Variants in UBE2E2 observed in about 807,000 individuals in gnomAD.
UBE2E2 encodes the protein ubiquitin-conjugating enzyme E2 E2.
Under a neutral mutation model 24.7 loss-of-function variants are expected in UBE2E2, and 6 were observed. The ratio of observed to expected loss-of-function variants is 0.24; its 90% CI spans 0.13 to 0.48. The LOEUF (loss-of-function observed/expected upper bound fraction) is 0.48, where lower values mean the gene tolerates loss of function less well. Ranked by LOEUF, UBE2E2 falls within the 20% of genes least tolerant of loss-of-function variation. UBE2E2 has a pLI of 0.99. For missense variants in UBE2E2, 169 were observed against 245.0 expected, an observed-to-expected ratio of 0.69 and a Z score of 2.07; for synonymous variants, 104 against 83.6, an observed-to-expected ratio of 1.24 and a Z score of -1.33.
At chr3:23,409,425 T>G (rs961815710) in intron 3 of UBE2E2, among the ~76,000 whole-genome samples, 1 of 152,198 alleles carries the variant, frequency 6.6e-6, no homozygotes, top group African/African-American at 2.4e-5. Context: ...AACTTCTAGA[T>G]GTAACCTCAT....
rs555139218 is a variant in UBE2E2, at chr3:23,513,313, C to A, written c.360+13573C>A. ...GCAGTCCTCCTCATTGCCCAGCATT[C>A]CCGTTACCTTCCCAAAGACATCTTT... On this transcript the variant is annotated intron_variant, in intron 4 of 5. Transcript: ENST00000396703. 3.9e-5 allele frequency among the ~76,000 whole-genome samples: 6 copies of A among 152,224 alleles called. No homozygotes were observed. In the South Asian group the frequency reaches 1.0e-3, roughly 26 times the overall value.
At chr3:23,446,471 AT>A (rs1698432188) in intron 3 of UBE2E2, among the ~76,000 whole-genome samples, 1 of 152,182 alleles carries the variant, frequency 6.6e-6, no homozygotes, top group African/African-American at 2.4e-5. Flanking sequence ...GGCTGACTGA[AT>A]TTTGAGTGAG....
At chr3:23,262,572 G>C (rs1044161858) in intron 3 of UBE2E2, among the ~76,000 whole-genome samples, 1 of 151,266 alleles carries the variant, frequency 6.6e-6, no homozygotes, top group African/African-American at 2.4e-5. Context: ...GAGCCACCAT[G>C]TTCAGTGTAG....
chr3:23,371,644 C>G (rs928673066), intron 3 of UBE2E2, among the ~76,000 whole-genome samples: 1 of 151,946 alleles, frequency 6.6e-6, no homozygotes, highest in Admixed American at 6.6e-5. Context: ...ACTAAGCCAG[C>G]AATTTTCAAA....
chr3:23,318,546 G>C (rs980027199), intron 3 of UBE2E2, among the ~76,000 whole-genome samples: 1 of 152,122 alleles, frequency 6.6e-6, no homozygotes, highest in Non-Finnish European at 1.5e-5. Context: ...ACAGTTCCAC[G>C]TGGCTGGGGA....
intron 5 of UBE2E2, among the ~76,000 whole-genome samples, chr3:23,550,864 C>T (rs1230902533): frequency 6.6e-6 from 1 of 152,072 alleles, no homozygotes; most frequent in Non-Finnish European, 1.5e-5. Context: ...GGGGCAGAAA[C>T]CCAGAGAAGA....
intron 3 of UBE2E2, among the ~76,000 whole-genome samples, chr3:23,410,553 G>A (rs1442031653): frequency 1.3e-5 from 2 of 152,100 alleles, no homozygotes; most frequent in Non-Finnish European, 2.9e-5. Flanking sequence ...GTTGAATAAT[G>A]TTATTATAAA....
chr3:23,367,060 T>G (rs1559363371), intron 3 of UBE2E2, among the ~76,000 whole-genome samples: 1 of 152,218 alleles, frequency 6.6e-6, no homozygotes, highest in Non-Finnish European at 1.5e-5. Flanking sequence ...TATCCTGTCA[T>G]TATCCTTTTT....
At chr3:23,300,169 A>G (rs13095960) in intron 3 of UBE2E2, among the ~76,000 whole-genome samples, 15,862 of 152,006 alleles carry the variant, frequency 0.1, 962 homozygotes, top group East Asian at 0.13. Context: ...TTTTGAGCCT[A>G]TGTGTGTCTC....
chr3:23,548,314 A>G (rs1048912700), intron 5 of UBE2E2, among the ~76,000 whole-genome samples: 3 of 152,216 alleles, frequency 2.0e-5, no homozygotes, highest in African/African-American at 4.8e-5. Context: ...TCTTGTTCCT[A>G]TCAGCCCAGG....
At chr3:23,477,425 A>G (rs1422293766) in intron 3 of UBE2E2, among the ~76,000 whole-genome samples, 2 of 152,190 alleles carry the variant, frequency 1.3e-5, no homozygotes, top group Admixed American at 1.3e-4. Flanking sequence ...TTTATTATTT[A>G]CCATTATTTC....
chr3:23,288,353 A>G (rs1179262321), intron 3 of UBE2E2, among the ~76,000 whole-genome samples: 1 of 152,194 alleles, frequency 6.6e-6, no homozygotes, highest in East Asian at 1.9e-4. Context: ...ATCCTTGGGA[A>G]TGATTCATGT....
chr3:23,455,468 A>G (rs1336043201), intron 3 of UBE2E2, among the ~76,000 whole-genome samples: 1 of 152,224 alleles, frequency 6.6e-6, no homozygotes, highest in African/African-American at 2.4e-5. Context: ...CTGTAATCCC[A>G]GCACTTTGGG....
At chr3:23,553,665 C>T (rs543006768) in intron 5 of UBE2E2, among the ~76,000 whole-genome samples, 19 of 151,962 alleles carry the variant, frequency 1.3e-4, no homozygotes, top group African/African-American at 2.9e-4. Context: ...TCTCAAAAGC[C>T]GTATCCATCT....
chr3:23,431,090 T>G (rs568662306), intron 3 of UBE2E2, among the ~76,000 whole-genome samples: 33 of 152,230 alleles, frequency 2.2e-4, no homozygotes, highest in African/African-American at 7.2e-4. Context: ...AGTGGTCTGT[T>G]GGGAGAATTT....
chr3:23,481,906 G>A (rs777041542), intron 3 of UBE2E2, among the ~76,000 whole-genome samples: 13 of 152,336 alleles, frequency 8.5e-5, no homozygotes, highest in Non-Finnish European at 1.8e-4. Flanking sequence ...ACAAAGAGAA[G>A]GTAGTGGCAG....
intron 3 of UBE2E2, among the ~76,000 whole-genome samples, chr3:23,365,244 A>G (rs763820492): frequency 5.9e-5 from 9 of 152,294 alleles, no homozygotes; most frequent in Middle Eastern, 3.4e-3. Flanking sequence ...CACCACTCAT[A>G]CTTAACCATA....
At chr3:23,419,899 C>T (rs548974909) in intron 3 of UBE2E2, among the ~76,000 whole-genome samples, 1 of 152,236 alleles carries the variant, frequency 6.6e-6, no homozygotes, top group Admixed American at 6.5e-5. Context: ...CTGCAGAAGT[C>T]CAAGGGTCTT....
chr3:23,535,122 T>G (rs1695220910), intron 5 of UBE2E2, among the ~76,000 whole-genome samples: 1 of 152,242 alleles, frequency 6.6e-6, no homozygotes, highest in Non-Finnish European at 1.5e-5. Context: ...TTTAATTGTT[T>G]ATTAGTCATA....
Sources: gnomAD v4.1 joint callset for allele counts (sites outside exome capture counted in the v4.1 genomes callset) on GRCh38, gnomAD v4.1.1 for gene constraint, MANE v1.5 for transcripts, NCBI Gene and HGNC (gene_info 2026-07-23, HGNC 2026-07-21) for gene names.